Variants in KPNA3 observed in about 807,000 individuals in gnomAD.
KPNA3 encodes the protein karyopherin subunit alpha 3.
In KPNA3, 13 loss-of-function variants were observed where a neutral mutation model predicts 73.8. The ratio of observed to expected loss-of-function variants is 0.18; its 90% CI spans 0.11 to 0.28. The LOEUF is 0.28. Ranked by LOEUF, KPNA3 falls within the 10% of genes least tolerant of loss-of-function variation. KPNA3 has a pLI of 1.00. For missense variants in KPNA3, 360 were observed against 618.1 expected, an observed-to-expected ratio of 0.58 and a Z score of 4.43; for synonymous variants, 186 against 206.9, an observed-to-expected ratio of 0.90 and a Z score of 0.87.
rs1489866370 is a variant in KPNA3, at chr13:49,701,503, T to G, written c.*297A>C. ...TGTCACCACTATGGAATATTTATTC[T>G]AAACTGGAGACTGCAGTTGTCAGCC... On this transcript the variant is annotated 3_prime_UTR_variant, in exon 17 of 17. Transcript: ENST00000261667. 4 of 506,800 alleles carry G rather than the reference T, an allele frequency of 7.9e-6. No homozygotes were observed. The highest frequency in any genetic ancestry group is 1.6e-5 in the Non-Finnish European group (4 of 250,692). 31.4% of individuals were successfully genotyped at this position (506,800 alleles called of 1,614,324 possible).
intron 7 of KPNA3, among the ~76,000 whole-genome samples, chr13:49,723,736 G>A (rs1566339091): frequency 6.6e-6 from 1 of 151,444 alleles, no homozygotes; most frequent in Non-Finnish European, 1.5e-5. Flanking sequence ...TGGACATGGT[G>A]GTGTGTGCCT....
intron 10 of KPNA3, among the ~76,000 whole-genome samples, chr13:49,717,790 T>C (rs1391725645): frequency 1.3e-5 from 2 of 152,230 alleles, no homozygotes; most frequent in Non-Finnish European, 2.9e-5. Flanking sequence ...ATGGTAACTA[T>C]GAACACTATA....
At chr13:49,785,916 A>G (rs1336402084) in intron 1 of KPNA3, among the ~76,000 whole-genome samples, 1 of 152,230 alleles carries the variant, frequency 6.6e-6, no homozygotes, top group Admixed American at 6.5e-5. Context: ...ACATGGGTGC[A>G]TGGCCAATAT....
intron 12 of KPNA3, 102 bp from the exon 13 acceptor site, chr13:49,706,474 C>A: frequency 5.3e-6 from 4 of 749,782 alleles, no homozygotes; most frequent in Non-Finnish European, 8.5e-6. Flanking sequence ...ACCTGAATTA[C>A]GTTAAAGAGA....
chr13:49,790,407 C>T (rs1955023172), intron 1 of KPNA3, among the ~76,000 whole-genome samples: 1 of 152,212 alleles, frequency 6.6e-6, no homozygotes, highest in African/African-American at 2.4e-5. Context: ...TTTGAGCTTG[C>T]AGCTGAGCTA....
chr13:49,730,166 G>C (rs2137551773), intron 6 of KPNA3, among the ~76,000 whole-genome samples: 1 of 152,156 alleles, frequency 6.6e-6, no homozygotes, highest in East Asian at 1.9e-4. Flanking sequence ...CATAGACACA[G>C]ACACACAAAT....
At chr13:49,716,658 C>A (rs1181392464) in intron 10 of KPNA3, among the ~76,000 whole-genome samples, 1 of 151,958 alleles carries the variant, frequency 6.6e-6, no homozygotes, top group East Asian at 1.9e-4. Context: ...AGGCTGGTCT[C>A]AACTCCTGAC....
At chr13:49,755,270 A>G (rs78447023) in intron 1 of KPNA3, among the ~76,000 whole-genome samples, 1 of 152,282 alleles carries the variant, frequency 6.6e-6, no homozygotes, top group East Asian at 1.9e-4. Context: ...TATATTATTC[A>G]ATGCAGAAAA....
At chr13:49,736,484 CTT>C (rs1323917999) in intron 2 of KPNA3, among the ~76,000 whole-genome samples, 1 of 152,054 alleles carries the variant, frequency 6.6e-6, no homozygotes, top group Non-Finnish European at 1.5e-5. Flanking sequence ...TCGATACTAA[CTT>C]AGACTTTTTT....
chr13:49,740,784 G>A lies in KPNA3; in HGVS notation c.114+6165C>T, dbSNP rs146353703. On this transcript the variant is annotated intron_variant, in intron 2 of 16. Transcript: ENST00000261667. ...ATCTAACTGAAATTTTTTATACTTT[G>A]AATCAATATCTCCCCAAATCCCTGT... 6.0e-3 allele frequency among the ~76,000 whole-genome samples: 919 copies of A among 152,094 alleles called. 11 individuals are homozygous for A. The highest frequency in any genetic ancestry group is 0.031 in the East Asian group (162 of 5,172).
chr13:49,771,251 G>A (rs1389306697), intron 1 of KPNA3, among the ~76,000 whole-genome samples: 1 of 152,048 alleles, frequency 6.6e-6, no homozygotes, highest in Non-Finnish European at 1.5e-5. Flanking sequence ...GGAGATTACT[G>A]CAGCTTAACA....
chr13:49,730,668 T>G (rs185676136), intron 6 of KPNA3, among the ~76,000 whole-genome samples: 1,805 of 151,314 alleles, frequency 0.012, 31 homozygotes, highest in African/African-American at 0.041. Context: ...GTGCACAATG[T>G]GCAGGTTAGT....
At chr13:49,764,438 T>C (rs1298504826) in intron 1 of KPNA3, among the ~76,000 whole-genome samples, 1 of 152,304 alleles carries the variant, frequency 6.6e-6, no homozygotes, top group Admixed American at 6.5e-5. Flanking sequence ...AAAAAGCTAC[T>C]GCTCAAGCCC....
At chr13:49,741,123 C>T (rs1335521045) in intron 2 of KPNA3, among the ~76,000 whole-genome samples, 1 of 152,160 alleles carries the variant, frequency 6.6e-6, no homozygotes, top group Non-Finnish European at 1.5e-5. Flanking sequence ...ATCTCTTCAA[C>T]ATACTGGCTT....
chr13:49,784,230 T>C (rs1407856083), intron 1 of KPNA3, among the ~76,000 whole-genome samples: 1 of 152,032 alleles, frequency 6.6e-6, no homozygotes, highest in Non-Finnish European at 1.5e-5. Context: ...TCAAAAATAA[T>C]GTTTAAAAAT....
At chr13:49,747,112 C>A (rs1400745739) in intron 1 of KPNA3, 119 bp from the exon 2 acceptor site, 12 of 619,236 alleles carry the variant, frequency 1.9e-5, no homozygotes, top group Admixed American at 3.1e-5. Flanking sequence ...GAGGCCGAGG[C>A]GGGCAGATCA....
chr13:49,751,847 G>T (rs1246894597), intron 1 of KPNA3, among the ~76,000 whole-genome samples: 1 of 152,174 alleles, frequency 6.6e-6, no homozygotes, highest in Admixed American at 6.5e-5. Flanking sequence ...GGTCAAGGCT[G>T]CAGTGAGCCA....
chr13:49,726,493 G>C (rs1174064262), intron 6 of KPNA3, among the ~76,000 whole-genome samples: 1 of 152,160 alleles, frequency 6.6e-6, no homozygotes, highest in African/African-American at 2.4e-5. Flanking sequence ...GCAAGTAACA[G>C]GGTGTTTGTG....
intron 15 of KPNA3, 43 bp from the exon 16 acceptor site, chr13:49,702,523 GGAGA>G: frequency 7.7e-6 from 8 of 1,037,536 alleles, no homozygotes; most frequent in Non-Finnish European, 1.2e-5. Context: ...TAATTGATAA[GGAGA>G]TACTAATCAA....
Sources: allele counts gnomAD v4.1 joint callset (sites outside exome capture counted in the v4.1 genomes callset), GRCh38; gene constraint gnomAD v4.1.1; transcripts MANE v1.5; gene names NCBI Gene and HGNC (gene_info 2026-07-23, HGNC 2026-07-21).